Variants in WWOX observed in about 807,000 individuals in gnomAD.
WWOX encodes the protein WW domain containing oxidoreductase, also known as WW domain-containing oxidoreductase.
A neutral mutation model predicts 46.2 loss-of-function variants in WWOX; 69 were observed. The observed-to-expected ratio is 1.49, with a 90% CI of 1.23 to 1.82. WWOX has a LOEUF of 1.82. Ranked by LOEUF, WWOX falls within the 40% of genes most tolerant of loss-of-function variation. The pLI is 0.00. For missense variants in WWOX, 919 were observed against 542.6 expected (o/e 1.69, Z -6.89); for synonymous variants, 359 against 202.6 (o/e 1.77, Z -6.56).
At chr16:78,225,299 T>C (rs555855336) in intron 5 of WWOX, among the ~76,000 whole-genome samples, 1 of 152,338 alleles carries the variant, frequency 6.6e-6, no homozygotes. Context: ...AGTGAAAATA[T>C]GGTATTATAA....
chr16:78,498,704 T>C (rs573146063), intron 8 of WWOX, among the ~76,000 whole-genome samples: 2 of 152,208 alleles, frequency 1.3e-5, no homozygotes, highest in Non-Finnish European at 2.9e-5. Flanking sequence ...TCTTTCTGTT[T>C]TTAAACAGAG....
chr16:78,295,266 A>G (rs1489765513), intron 5 of WWOX, among the ~76,000 whole-genome samples: 2 of 152,204 alleles, frequency 1.3e-5, no homozygotes, highest in African/African-American at 2.4e-5. Context: ...GTGCTAATCA[A>G]GCTGTCTCAG....
At chr16:78,993,930 C>T (rs2046938435) in intron 8 of WWOX, among the ~76,000 whole-genome samples, 1 of 152,148 alleles carries the variant, frequency 6.6e-6, no homozygotes, top group African/African-American at 2.4e-5. Flanking sequence ...TGACCGCTTC[C>T]CCCGTGGGAA....
chr16:79,183,101 G>A (rs1175534365), intron 8 of WWOX, among the ~76,000 whole-genome samples: 1 of 152,208 alleles, frequency 6.6e-6, no homozygotes, highest in Non-Finnish European at 1.5e-5. Context: ...CTCCACTGCT[G>A]GCCTTCATGC....
intron 5 of WWOX, among the ~76,000 whole-genome samples, chr16:78,377,359 CTAT>C (rs1272947969): frequency 2.6e-5 from 4 of 152,252 alleles, no homozygotes; most frequent in Admixed American, 2.0e-4. Flanking sequence ...CTTTAGTCAT[CTAT>C]TATTTATTTC....
intron 8 of WWOX, among the ~76,000 whole-genome samples, chr16:78,609,387 T>A (rs539751215): frequency 1.2e-4 from 19 of 152,158 alleles, no homozygotes; most frequent in Non-Finnish European, 2.5e-4. Flanking sequence ...AATAGCTATA[T>A]GCTTCCCCAC....
Position 78,099,722 on chromosome 16 carries a change from T to A in WWOX, c.-57T>A, listed in dbSNP as rs867222313. ...CTCGTTTGGAGCGGGAGTGAGTTCC[T>A]GAGCGAGTGGACCCGGCAGCGGGCG... On this transcript the variant is annotated 5_prime_UTR_variant, in exon 1 of 9. Transcript: ENST00000566780. 6 of 1,504,054 alleles carry A rather than the reference T, an allele frequency of 4.0e-6. No homozygotes were observed. The Middle Eastern group carries it at 9.4e-4, about 235-fold the overall frequency. The allele number at this position is 1,504,054 out of a possible 1,614,324, so 93.2% of individuals were successfully genotyped here. A position where few individuals can be genotyped will look rare whatever the true frequency, so the allele number is the denominator to read the frequency against.
intron 8 of WWOX, among the ~76,000 whole-genome samples, chr16:78,654,691 A>T (rs2047041975): frequency 6.6e-6 from 1 of 151,970 alleles, no homozygotes; most frequent in Admixed American, 6.6e-5. Context: ...AAAATTACAT[A>T]TCCAGTATGA....
chr16:78,690,543 C>A (rs1014277240), intron 8 of WWOX, among the ~76,000 whole-genome samples: 1 of 151,920 alleles, frequency 6.6e-6, no homozygotes, highest in Non-Finnish European at 1.5e-5. Flanking sequence ...CAGAATGAGA[C>A]CCTGTCTGAA....
intron 8 of WWOX, among the ~76,000 whole-genome samples, chr16:78,604,528 A>G (rs1389590209): frequency 6.6e-6 from 1 of 152,216 alleles, no homozygotes; most frequent in Non-Finnish European, 1.5e-5. Context: ...AATTAGAAAA[A>G]TACAAAATAG....
intron 8 of WWOX, among the ~76,000 whole-genome samples, chr16:79,200,510 C>G (rs1362441902): frequency 1.3e-5 from 2 of 152,156 alleles, no homozygotes; most frequent in Admixed American, 6.5e-5. Flanking sequence ...TAGCCTCTGT[C>G]TCCCCTCCAC....
chr16:79,065,956 C>T (rs2048433381), intron 8 of WWOX, among the ~76,000 whole-genome samples: 1 of 152,170 alleles, frequency 6.6e-6, no homozygotes, highest in Admixed American at 6.5e-5. Context: ...GTTTCATTAG[C>T]TCATGTCTCT....
intron 8 of WWOX, among the ~76,000 whole-genome samples, chr16:78,941,108 C>G (rs550221291): frequency 6.6e-6 from 1 of 152,208 alleles, no homozygotes; most frequent in South Asian, 2.1e-4. Context: ...GCAAAGAATC[C>G]TCTTCTAGAA....
chr16:78,913,581 G>T (rs1187532506), intron 8 of WWOX, among the ~76,000 whole-genome samples: 1 of 151,816 alleles, frequency 6.6e-6, no homozygotes, highest in African/African-American at 2.4e-5. Context: ...AACTAGTTTT[G>T]GACTTGATGT....
chr16:78,136,825 G>C (rs2033807315), intron 4 of WWOX, among the ~76,000 whole-genome samples: 1 of 152,172 alleles, frequency 6.6e-6, no homozygotes. Flanking sequence ...AATATGTATA[G>C]CTGTGTGAGC....
intron 8 of WWOX, among the ~76,000 whole-genome samples, chr16:79,134,117 G>T (rs1047795398): frequency 1.3e-5 from 2 of 151,966 alleles, no homozygotes; most frequent in African/African-American, 4.8e-5. Flanking sequence ...ATGCTGATCT[G>T]GGTGAGGTCA....
chr16:78,520,839 C>T (rs989578885), intron 8 of WWOX, among the ~76,000 whole-genome samples: 1 of 152,110 alleles, frequency 6.6e-6, no homozygotes, highest in African/African-American at 2.4e-5. Flanking sequence ...TTTTTCTGAG[C>T]TCAGGGGAGC....
rs184614439 is a variant in WWOX, at chr16:78,318,118, C to G, written c.517-68742C>G. On this transcript the variant is annotated intron_variant, in intron 5 of 8. Transcript: ENST00000566780. ...ACCAAGGGGATGTGAGTCACTTTCC[C>G]TTTGATTTAAAGGCACTGCGTCCCT... is the stretch of plus-strand genomic sequence containing the variant. Among the ~76,000 whole-genome samples, 775 of 152,168 alleles carry G rather than the reference C, an allele frequency of 5.1e-3. 6 individuals carry two copies. Among genetic ancestry groups the G allele is most frequent in the Non-Finnish European group, 8.6e-3 (582 of 68,004 alleles).
At chr16:78,142,213 T>C (rs903420979) in intron 4 of WWOX, among the ~76,000 whole-genome samples, 134 of 152,310 alleles carry the variant, frequency 8.8e-4, no homozygotes, top group African/African-American at 3.1e-3. Context: ...ATTTATGGAA[T>C]TGAGTTGAGG....
Sources: allele counts gnomAD v4.1 joint callset (sites outside exome capture counted in the v4.1 genomes callset), GRCh38; gene constraint gnomAD v4.1.1; transcripts MANE v1.5; gene names NCBI Gene and HGNC (gene_info 2026-07-23, HGNC 2026-07-21).